TRIM2: variants seen among roughly 807,000 people sequenced by gnomAD.
TRIM2 encodes the protein tripartite motif containing 2, also known as tripartite motif-containing protein 2.
Under a neutral mutation model 75.2 loss-of-function variants are expected in TRIM2, and 20 were observed. That is an observed-to-expected ratio of 0.27 (90% confidence interval 0.19 to 0.39). The LOEUF is 0.39. Ranked by LOEUF, TRIM2 falls within the 10% of genes least tolerant of loss-of-function variation. The pLI is 1.00. For missense variants in TRIM2, 660 were observed against 990.8 expected (o/e 0.67, Z 4.48); for synonymous variants, 373 against 388.3 (o/e 0.96, Z 0.46).
chr4:153,206,370 G>A (rs1258025596), intron 1 of TRIM2, among the ~76,000 whole-genome samples: 2 of 152,132 alleles, frequency 1.3e-5, no homozygotes, highest in Non-Finnish European at 2.9e-5. Context: ...GACTTCTTGG[G>A]GTCACTGTTT....
upstream of TRIM2, chr4:153,152,594 C>T (rs1383016555): frequency 6.6e-6 from 1 of 151,852 alleles, no homozygotes; most frequent in Non-Finnish European, 1.5e-5. Flanking sequence ...GAGGAACTGC[C>T]AAGGAGCCCC....
In TRIM2 at chr4:153,337,503, T is replaced by G; in HGVS notation, c.*2537T>G. ...ATGCTATGAGCACTCCAGGAAACAC[T>G]ATATTTTTTCCAAAAAATATGTGAT... On this transcript the variant is annotated 3_prime_UTR_variant, in exon 12 of 12. Coordinates refer to ENST00000338700, the MANE Select transcript of TRIM2 (RefSeq NM_015271.5). 1 of 985,836 alleles carries G rather than the reference T, an allele frequency of 1.0e-6. No individual in the cohort carries two copies. The highest frequency in any genetic ancestry group is 1.2e-6 in the Non-Finnish European group (1 of 829,928). 61.1% of individuals were successfully genotyped at this position (985,836 alleles called of 1,614,324 possible).
intron 1 of TRIM2, among the ~76,000 whole-genome samples, chr4:153,231,537 G>T: frequency 6.6e-6 from 1 of 152,262 alleles, no homozygotes; most frequent in Admixed American, 6.5e-5. Flanking sequence ...CATCTGATGG[G>T]AGGAGGGACT....
chr4:153,333,445 A>G (rs940796661), intron 11 of TRIM2, among the ~76,000 whole-genome samples: 1 of 152,210 alleles, frequency 6.6e-6, no homozygotes, highest in Non-Finnish European at 1.5e-5. Context: ...CACACAACCC[A>G]AAGTCAATGT....
Position 153,159,413 on chromosome 4 carries a change from G to A in TRIM2, c.-49+6143G>A, listed in dbSNP as rs534458390. Among the ~76,000 whole-genome samples, 25 of 141,722 alleles carry A rather than the reference G, an allele frequency of 1.8e-4. 1 individual carries two copies. In the South Asian group the frequency reaches 5.2e-3, roughly 29 times the overall value. The allele number at this position is 141,722 out of a possible 152,430, so 93.0% of individuals were successfully genotyped here. On this transcript the variant is annotated intron_variant, in intron 1 of 11. Coordinates refer to the TRIM2 transcript ENST00000437508. ...GGTTCTGGACTCAAGTGATCCTCTC[G>A]TGTCAACCTCCCAAGTAGCTGGGAC...
chr4:153,156,956 T>C (rs946115840), intron 1 of TRIM2: 1 of 152,258 alleles, frequency 6.6e-6, no homozygotes, highest in East Asian at 1.9e-4. Context: ...TCTCTAGCAT[T>C]CCCCGCCCCT....
rs191525001 is a variant in TRIM2, at chr4:153,308,313, T to C, written c.1511-7172T>C. ...AATGTCCTTCTCCAGATCAGTCTTG[T>C]ACATTTCCTTGTAGACTCTGTTAAT... On this transcript the variant is annotated intron_variant, in intron 6 of 11. Transcript: ENST00000338700. 7.7e-5 allele frequency: 112 copies of C among 1,458,502 alleles called. No individual in the cohort carries two copies. The African/African-American group carries it at 1.4e-3, about 19-fold the overall frequency. 90.3% of individuals were successfully genotyped at this position (1,458,502 alleles called of 1,614,324 possible). A position where few individuals can be genotyped will look rare whatever the true frequency, so the allele number is the denominator to read the frequency against.
At position 153,244,420 on chromosome 4, in the gene TRIM2, CTTCTTCTTCTTCTTCTTTTA is replaced by C. The variant is rs1560875591; in HGVS notation, c.31-25914_31-25895del. Reference sequence around the variant, plus strand: ...TCTTCTTCTTCTTCTTCTTCTTCTTCTTCTTCTTCTTCTTCTTTTAATTAGAGAGGAGGCCTCACTATGTT... The same window carrying C: ...TCTTCTTCTTCTTCTTCTTCTTCTTCATTAGAGAGGAGGCCTCACTATGTT... On this transcript the variant is annotated intron_variant, in intron 1 of 11. Transcript: ENST00000338700. Among the ~76,000 whole-genome samples, 351 of 94,784 alleles carry C rather than the reference CTTCTTCTTCTTCTTCTTTTA, an allele frequency of 3.7e-3. 49 individuals carry two copies. Among genetic ancestry groups the C allele is most frequent in the African/African-American group, 0.014 (322 of 22,872 alleles). 62.2% of individuals were successfully genotyped at this position (94,784 alleles called of 152,430 possible).
At chr4:153,326,311 G>C (rs1770163069) in intron 10 of TRIM2, among the ~76,000 whole-genome samples, 1 of 152,166 alleles carries the variant, frequency 6.6e-6, no homozygotes, top group Non-Finnish European at 1.5e-5. Flanking sequence ...GGTAGAAGTA[G>C]ATTATTTTAG....
At chr4:153,173,889 C>G (rs912729791) in intron 1 of TRIM2, among the ~76,000 whole-genome samples, 22 of 152,168 alleles carry the variant, frequency 1.4e-4, no homozygotes, top group African/African-American at 5.3e-4. Flanking sequence ...ATCGCTTGAA[C>G]CTGGGAGGCA....
intron 10 of TRIM2, among the ~76,000 whole-genome samples, 154 bp from the exon 11 acceptor site, chr4:153,328,376 A>G (rs891798617): frequency 3.9e-5 from 6 of 152,232 alleles, no homozygotes; most frequent in African/African-American, 1.4e-4. Flanking sequence ...AATGATATGC[A>G]GTCTGTCTTG....
At chr4:153,252,009 AC>A (rs1160222641) in intron 1 of TRIM2, among the ~76,000 whole-genome samples, 1 of 152,134 alleles carries the variant, frequency 6.6e-6, no homozygotes, top group Non-Finnish European at 1.5e-5. Context: ...AATCTACGAT[AC>A]ATTATTGTTA....
At chr4:153,257,519 T>C in intron 1 of TRIM2, 1 of 1,279,700 alleles carries the variant, frequency 7.8e-7, no homozygotes, top group East Asian at 5.6e-5. Flanking sequence ...TTCCTCCATT[T>C]TTCTCTTCCT....
At chr4:153,204,790 G>T (rs1035441987) in intron 1 of TRIM2, among the ~76,000 whole-genome samples, 1 of 152,142 alleles carries the variant, frequency 6.6e-6, no homozygotes, top group Non-Finnish European at 1.5e-5. Flanking sequence ...GACACAGCTG[G>T]ATTTGACACC....
At chr4:153,196,483 T>G (rs1733791366) in intron 1 of TRIM2, among the ~76,000 whole-genome samples, 2 of 152,110 alleles carry the variant, frequency 1.3e-5, no homozygotes, top group Admixed American at 1.3e-4. Flanking sequence ...TCCATTTCCT[T>G]GTCTGCAGAA....
rs1195853126 is a variant in TRIM2 at position 153,334,876 on chromosome 4, C to T, written c.2226C>T (p.Gly742=). The T allele has an allele frequency of 6.2e-7, 1 of 1,613,984 alleles. No individual in the cohort carries two copies. Among genetic ancestry groups the T allele is most frequent in the Non-Finnish European group, 8.5e-7 (1 of 1,179,910 alleles). ...YINTSADPLY[G]PQGLALTSDG... is the part of the protein sequence containing the mutation. ...ACACATCTGCTGACCCACTCTATGGCCCCCAAGGCCTGGCCCTAACTTCAG... is the reference window on the plus strand; with the variant it reads ...ACACATCTGCTGACCCACTCTATGGTCCCCAAGGCCTGGCCCTAACTTCAG... The change falls in exon 12 of 12, where the codon GGC becomes GGT. Residue 742 remains glycine (G), a synonymous_variant. Coordinates refer to ENST00000338700, the MANE Select transcript of TRIM2 (RefSeq NM_015271.5).
upstream of TRIM2, among the ~76,000 whole-genome samples, chr4:153,203,587 CAAA>C (rs397878558): frequency 2.3e-5 from 3 of 131,522 alleles, no homozygotes; most frequent in African/African-American, 2.7e-5. Context: ...GACTCTGTCT[CAAA>C]AAAAAAAAAA....
At chr4:153,213,096 C>T (rs1414544648) in intron 1 of TRIM2, among the ~76,000 whole-genome samples, 2 of 152,146 alleles carry the variant, frequency 1.3e-5, no homozygotes, top group East Asian at 3.9e-4. Context: ...GACTGTGTGC[C>T]AGGAACTGTT....
In TRIM2 at chr4:153,248,532, G is replaced by C. The variant is rs1405129099; in HGVS notation, c.31-21803G>C. 1.3e-5 allele frequency among the ~76,000 whole-genome samples: 2 copies of C among 152,192 alleles called. No homozygotes were observed. The highest frequency in any genetic ancestry group is 4.8e-5 in the African/African-American group (2 of 41,466). On this transcript the variant is annotated intron_variant, in intron 1 of 11. Transcript: ENST00000338700. The surrounding 1 kb of genome is among the most constrained non-coding windows in gnomAD (Gnocchi z 4.0). ...TGAGACTTACTGTGTGTTAGGCATGGGGCTGACAGTGACACACTGGATCAT... is the reference window on the plus strand; with the variant it reads ...TGAGACTTACTGTGTGTTAGGCATGCGGCTGACAGTGACACACTGGATCAT...
Sources: allele counts gnomAD v4.1 joint callset (sites outside exome capture counted in the v4.1 genomes callset), GRCh38; gene constraint gnomAD v4.1.1; non-coding constraint Gnocchi (gnomAD v3.1); transcripts MANE v1.5; gene names NCBI Gene and HGNC (gene_info 2026-07-23, HGNC 2026-07-21).